The following ZNF83 variants were observed in gnomAD, a reference collection of about 807,000 sequenced individuals.
The protein encoded by ZNF83 is zinc finger protein 83.
For missense variants in ZNF83, 552 were observed against 629.9 expected, an observed-to-expected ratio of 0.88 and a Z score of 1.32; for synonymous variants, 209 against 213.0, an observed-to-expected ratio of 0.98 and a Z score of 0.17.
chr19:52,673,611 T>C (rs1287623951), intron 1 of ZNF83, among the ~76,000 whole-genome samples: 2 of 152,054 alleles, frequency 1.3e-5, no homozygotes, highest in African/African-American at 2.4e-5. Flanking sequence ...TCCCAAGTAA[T>C]CAAAAATGAG....
At chr19:52,613,035 C>T (rs2060154533) in exon 3 of ZNF83, 10 of 1,600,790 alleles carry the variant, frequency 6.2e-6, no homozygotes, top group Non-Finnish European at 8.5e-6. Flanking sequence ...TGTTAGATTT[C>T]TTTCCGGCAT....
At chr19:52,617,729 A>T (rs1423294139) in intron 2 of ZNF83, 1 of 14,198 alleles carries the variant, frequency 7.0e-5, no homozygotes, top group African/African-American at 6.1e-4. Flanking sequence ...AGATTGTCTC[A>T]AAAAAAAAAA....
intron 2 of ZNF83, among the ~76,000 whole-genome samples, chr19:52,633,209 C>G (rs915843114): frequency 3.9e-5 from 6 of 151,968 alleles, no homozygotes; most frequent in Admixed American, 1.3e-4. Context: ...TTGTGGCCCC[C>G]ACCCCTGCCC....
At chr19:52,637,041 T>C (rs946500169) in intron 1 of ZNF83, 4 of 152,292 alleles carry the variant, frequency 2.6e-5, no homozygotes, top group Admixed American at 1.3e-4. Flanking sequence ...CTTGTTTTCT[T>C]TTCTTTTTAC....
intron 1 of ZNF83, among the ~76,000 whole-genome samples, chr19:52,663,974 C>T (rs764422255): frequency 1.3e-5 from 2 of 152,188 alleles, no homozygotes; most frequent in Non-Finnish European, 2.9e-5. Flanking sequence ...GCAACCTCCA[C>T]CTCCCGGATT....
At chr19:52,655,271 AC>A (rs1322205679) in intron 3 of ZNF83, 1 of 320,556 alleles carries the variant, frequency 3.1e-6, no homozygotes, top group Non-Finnish European at 5.6e-6. Context: ...CTCCTGGGCC[AC>A]CCTGACAATT....
At chr19:52,643,002 C>G (rs2061327685), upstream of ZNF83, among the ~76,000 whole-genome samples, 1 of 152,018 alleles carries the variant, frequency 6.6e-6, no homozygotes. Context: ...ACTAAAAATA[C>G]AAAAAGTAGC....
At chr19:52,613,464 A>T in exon 3 of ZNF83, 2 of 1,614,040 alleles carry the variant, frequency 1.2e-6, no homozygotes, top group Non-Finnish European at 1.7e-6. Context: ...TCTCACCGGC[A>T]TGAATTATCA....
chr19:52,638,588 A>G (rs2147213061), upstream of ZNF83, among the ~76,000 whole-genome samples: 1 of 152,386 alleles, frequency 6.6e-6, no homozygotes, highest in South Asian at 2.1e-4. Flanking sequence ...ATGATTCAAA[A>G]GCCCTGGAAT....
At chr19:52,666,802 C>T (rs1456631179) in intron 1 of ZNF83, among the ~76,000 whole-genome samples, 3 of 152,178 alleles carry the variant, frequency 2.0e-5, no homozygotes, top group African/African-American at 7.2e-5. Flanking sequence ...CTGACCAGGC[C>T]TAGGAGGAAC....
Position 52,645,688 on chromosome 19 carries a change from T to C in ZNF83, c.-74+9873A>G, listed in dbSNP as rs141610539. 2.2e-4 allele frequency among the ~76,000 whole-genome samples: 34 copies of C among 151,888 alleles called. No individual in the cohort carries two copies. In the East Asian group the frequency reaches 6.7e-3, roughly 30 times the overall value. ...TGGGCGTGCTGACATATACCTGTAG[T>C]GCCACCTACTCAGGAGGTTGAGGCA... On this transcript the variant is annotated intron_variant, in intron 3 of 5. Coordinates refer to the ZNF83 transcript ENST00000594682.
intron 2 of ZNF83, among the ~76,000 whole-genome samples, chr19:52,623,721 T>G (rs2060631804): frequency 6.6e-6 from 1 of 152,026 alleles, no homozygotes; most frequent in Non-Finnish European, 1.5e-5. Context: ...TCAACACCAG[T>G]ATCCCATCCC....
Position 52,631,618 on chromosome 19 carries a change from T to C in ZNF83, c.-234+3448A>G, listed in dbSNP as rs575443662. ...AATTACCATTGTTCCTGGCCCGGAC[T>C]TCAATCCGGCCTCCCACATTATTCT... is the stretch of plus-strand genomic sequence containing the variant. On this transcript the variant is annotated intron_variant, in intron 2 of 2. Coordinates refer to ENST00000301096, the Ensembl canonical transcript of ZNF83. Among the ~76,000 whole-genome samples, 109 of 152,362 alleles carry C rather than the reference T, an allele frequency of 7.2e-4. 1 individual carries two copies. The highest frequency in any genetic ancestry group is 2.4e-3 in the African/African-American group (100 of 41,594).
chr19:52,613,727 G>T, exon 3 of ZNF83: 2 of 1,357,442 alleles, frequency 1.5e-6, no homozygotes, highest in Non-Finnish European at 1.9e-6. Context: ...TGGATTCTCT[G>T]ATGTTGTGCA....
chr19:52,626,904 C>T (rs2060760247), intron 2 of ZNF83, among the ~76,000 whole-genome samples: 1 of 152,170 alleles, frequency 6.6e-6, no homozygotes, highest in African/African-American at 2.4e-5. Context: ...TGTCAGGCCT[C>T]TGAGCCCAAG....
chr19:52,646,096 C>T lies in ZNF83; in HGVS notation c.-74+9465G>A, dbSNP rs966131801. ...CTGTGACTACAGGTGCATGCCACCA[C>T]GCCCAGCTAATTTTTGTATTTTTAG... On this transcript the variant is annotated intron_variant, in intron 3 of 5. Coordinates refer to the ZNF83 transcript ENST00000594682. 1.4e-4 allele frequency among the ~76,000 whole-genome samples: 22 copies of T among 152,006 alleles called. No homozygotes were observed. In the East Asian group the frequency reaches 2.7e-3, roughly 19 times the overall value.
At chr19:52,649,100 C>T (rs867078000) in intron 3 of ZNF83, among the ~76,000 whole-genome samples, 1 of 152,198 alleles carries the variant, frequency 6.6e-6, no homozygotes, top group East Asian at 1.9e-4. Flanking sequence ...GGCCCACACA[C>T]GGTTGTTCTT....
chr19:52,631,201 A>G (rs973882815), intron 2 of ZNF83, among the ~76,000 whole-genome samples: 24 of 151,030 alleles, frequency 1.6e-4, no homozygotes, highest in African/African-American at 5.4e-4. Flanking sequence ...TCTGTTACCT[A>G]TCTCAGCATA....
intron 3 of ZNF83, among the ~76,000 whole-genome samples, chr19:52,646,005 T>C (rs1404191726): frequency 6.6e-6 from 1 of 152,120 alleles, no homozygotes; most frequent in Non-Finnish European, 1.5e-5. Context: ...AGTGGCATGA[T>C]TTCGGCTCAC....
Sources: allele counts gnomAD v4.1 joint callset (sites outside exome capture counted in the v4.1 genomes callset), GRCh38; gene constraint gnomAD v4.1.1; transcripts MANE v1.5; gene names NCBI Gene and HGNC (gene_info 2026-07-23, HGNC 2026-07-21).